The following ERG variants were observed in gnomAD, a reference collection of about 807,000 sequenced individuals.
ERG encodes the protein ETS transcription factor ERG, also known as transcriptional regulator ERG.
ERG carries 9 observed loss-of-function variants against 55.3 expected under a neutral mutation model. The ratio of observed to expected loss-of-function variants is 0.16; its 90% CI spans 0.10 to 0.28. The LOEUF (loss-of-function observed/expected upper bound fraction) is 0.28. ERG is among the 10% of genes least tolerant of loss of function. The probability of loss-of-function intolerance (pLI) is 1.00; values close to 1 mark genes in which losing one functional copy is unlikely to be tolerated. For synonymous variants in ERG, 223 were observed against 237.3 expected (o/e 0.94, Z 0.55); for missense variants, 434 against 631.6 (o/e 0.69, Z 3.35).
intron 2 of ERG, among the ~76,000 whole-genome samples, chr21:38,524,796 T>A (rs536458352): frequency 1.8e-4 from 27 of 152,298 alleles, no homozygotes; most frequent in African/African-American, 5.5e-4. Context: ...ACAGTAACAG[T>A]GTCCTTTATT....
intron 1 of ERG, among the ~76,000 whole-genome samples, chr21:38,470,347 G>A (rs981699834): frequency 6.6e-6 from 1 of 152,162 alleles, no homozygotes; most frequent in Non-Finnish European, 1.5e-5. Flanking sequence ...TTTGGGGGAA[G>A]GTGATGAATA....
intron 1 of ERG, among the ~76,000 whole-genome samples, chr21:38,477,386 T>C (rs2059198946): frequency 6.6e-6 from 1 of 152,068 alleles, no homozygotes; most frequent in Non-Finnish European, 1.5e-5. Context: ...TTTGCATGAG[T>C]GATGCTGCTT....
At chr21:38,596,311 G>A (rs1017174465) in intron 1 of ERG, among the ~76,000 whole-genome samples, 2 of 152,118 alleles carry the variant, frequency 1.3e-5, no homozygotes, top group African/African-American at 4.8e-5. Flanking sequence ...AAGATCACAG[G>A]TAGGGTAAGC....
At chr21:38,519,966 G>A (rs755872407) in intron 2 of ERG, among the ~76,000 whole-genome samples, 3 of 150,932 alleles carry the variant, frequency 2.0e-5, no homozygotes, top group Non-Finnish European at 2.9e-5. Flanking sequence ...ATAAAATACT[G>A]TTTGTATGAT....
intron 3 of ERG, among the ~76,000 whole-genome samples, chr21:38,420,797 C>A (rs1015895610): frequency 1.3e-5 from 2 of 152,208 alleles, no homozygotes; most frequent in Non-Finnish European, 2.9e-5. Flanking sequence ...TGGTACCAGG[C>A]ATTACCTCTT....
At chr21:38,543,135 T>C (rs2059764841) in intron 2 of ERG, among the ~76,000 whole-genome samples, 2 of 152,204 alleles carry the variant, frequency 1.3e-5, no homozygotes, top group Non-Finnish European at 2.9e-5. Context: ...TCCAGAATTA[T>C]GCAGAATAAG....
At position 38,382,876 on chromosome 21, in the gene ERG, T is replaced by C. The variant is rs1987512532; in HGVS notation, c.*527A>G. 9.4e-7 allele frequency: 1 copy of C among 1,066,450 alleles called. No homozygotes were observed. Among genetic ancestry groups the C allele is most frequent in the Non-Finnish European group, 1.1e-6 (1 of 879,716 alleles). The allele number at this position is 1,066,450 out of a possible 1,614,324, so 66.1% of individuals were successfully genotyped here. A position where few individuals can be genotyped will look rare whatever the true frequency, so the allele number is the denominator to read the frequency against. ...ATTTGATTTCAACCAAAACAGCACA[T>C]GCCATGCAGTTGCATATCAACGTCT... On this transcript the variant is annotated 3_prime_UTR_variant, in exon 10 of 10. Transcript: ENST00000288319.
intron 1 of ERG, among the ~76,000 whole-genome samples, chr21:38,487,956 G>A (rs935037594): frequency 2.2e-4 from 34 of 151,908 alleles, no homozygotes; most frequent in African/African-American, 5.8e-4. Context: ...GAATATATTC[G>A]TGCAATAACA....
chr21:38,424,197 T>TCG (rs1182048642), intron 2 of ERG, among the ~76,000 whole-genome samples: 1 of 142,152 alleles, frequency 7.0e-6, no homozygotes, highest in Non-Finnish European at 1.6e-5. Context: ...GCTCTCTCTC[T>TCG]CTCTCTCTCT....
intron 1 of ERG, among the ~76,000 whole-genome samples, chr21:38,465,586 T>C (rs2059081351): frequency 6.6e-6 from 1 of 152,170 alleles, no homozygotes. Flanking sequence ...TATAGGTTCA[T>C]CAACTGTAGC....
intron 9 of ERG, among the ~76,000 whole-genome samples, chr21:38,387,054 T>C (rs1162093804): frequency 6.6e-6 from 1 of 151,062 alleles, no homozygotes; most frequent in Non-Finnish European, 1.5e-5. Flanking sequence ...AGCAAAGGGG[T>C]ACAGACTGAG....
intron 2 of ERG, among the ~76,000 whole-genome samples, chr21:38,433,065 A>C (rs1573262): frequency 0.95 from 144,285 of 152,268 alleles, 68,393 homozygotes; most frequent in East Asian, 0.98. Flanking sequence ...ATGTTTATGT[A>C]GAGATATAAA....
intron 1 of ERG, among the ~76,000 whole-genome samples, chr21:38,639,926 A>G (rs2060413420): frequency 6.6e-6 from 1 of 152,226 alleles, no homozygotes; most frequent in Admixed American, 6.5e-5. Context: ...CAGAGATGCC[A>G]GGACAGCCAC....
chr21:38,410,559 G>C (rs1988998267), intron 3 of ERG, among the ~76,000 whole-genome samples: 1 of 152,218 alleles, frequency 6.6e-6, no homozygotes, highest in South Asian at 2.1e-4. Flanking sequence ...TCTGTATGTG[G>C]AGTGGGAGTG....
intron 1 of ERG, among the ~76,000 whole-genome samples, chr21:38,482,836 C>A (rs1276931797): frequency 1.3e-5 from 2 of 152,060 alleles, no homozygotes; most frequent in Admixed American, 1.3e-4. Flanking sequence ...CACGACCACA[C>A]CCCACTAATT....
In ERG at chr21:38,498,291, T is replaced by C. The variant is rs1027187146; in HGVS notation, c.18+72A>G. 7.2e-7 allele frequency: 1 copy of C among 1,389,280 alleles called. No homozygotes were observed. The highest frequency in any genetic ancestry group is 1.0e-6 in the Non-Finnish European group (1 of 981,092). The allele number at this position is 1,389,280 out of a possible 1,614,324, so 86.1% of individuals were successfully genotyped here. A position where few individuals can be genotyped will look rare whatever the true frequency, so the allele number is the denominator to read the frequency against. ...GTTGCCCAACCCTAACTTATCTGCC[T>C]TGATAAAGGAAACCAAAGAAAAGAG... On this transcript the variant is annotated intron_variant, in intron 1 of 9. Coordinates refer to ENST00000288319, the MANE Select transcript of ERG (RefSeq NM_182918.4). This position sits in a 1 kb window ranked among gnomAD's most constrained non-coding sequence, Gnocchi z 4.6.
chr21:38,553,735 G>A (rs1410022399), intron 2 of ERG, among the ~76,000 whole-genome samples: 1 of 152,020 alleles, frequency 6.6e-6, no homozygotes, highest in East Asian at 1.9e-4. Context: ...AAACCTAGAA[G>A]AAAACCTAGA....
upstream of ERG, among the ~76,000 whole-genome samples, chr21:38,585,223 T>C (rs191802496): frequency 1.1e-3 from 166 of 152,314 alleles, no homozygotes; most frequent in African/African-American, 3.9e-3. Context: ...AGAAAATATT[T>C]TGAAAATGTT....
At chr21:38,398,937 T>C (rs78668368) in intron 6 of ERG, among the ~76,000 whole-genome samples, 3,208 of 152,344 alleles carry the variant, frequency 0.021, 44 homozygotes, top group Non-Finnish European at 0.032. Flanking sequence ...TAAAAAAATT[T>C]TTAAAACCCT....
Sources: gnomAD v4.1 joint callset for allele counts (sites outside exome capture counted in the v4.1 genomes callset) on GRCh38, gnomAD v4.1.1 for gene constraint, Gnocchi (gnomAD v3.1) non-coding constraint, MANE v1.5 for transcripts, NCBI Gene and HGNC (gene_info 2026-07-23, HGNC 2026-07-21) for gene names.